FGF1: variants seen among roughly 807,000 people sequenced by gnomAD.
The protein encoded by FGF1 is beta-endothelial cell growth factor.
A neutral mutation model predicts 13.4 loss-of-function variants in FGF1; 9 were observed. That is an observed-to-expected ratio of 0.67 (90% confidence interval 0.40 to 1.17). The LOEUF (loss-of-function observed/expected upper bound fraction) is 1.17. FGF1 is among the 50% of genes most tolerant of loss of function. The probability of loss-of-function intolerance (pLI) is 0.01; values close to 1 mark genes in which losing one functional copy is unlikely to be tolerated. For synonymous variants in FGF1, 93 were observed against 79.0 expected, an observed-to-expected ratio of 1.18 and a Z score of -0.94; for missense variants, 156 against 192.7, an observed-to-expected ratio of 0.81 and a Z score of 1.13.
intron 2 of FGF1, among the ~76,000 whole-genome samples, chr5:142,607,445 C>T (rs113975668): frequency 3.0e-3 from 459 of 152,286 alleles, no homozygotes; most frequent in African/African-American, 1.0e-2. Context: ...AAACAAGATA[C>T]GTCCATGGTC....
At chr5:142,613,850 A>G in intron 2 of FGF1, 109 bp downstream of exon 2, 4 of 1,184,738 alleles carry the variant, frequency 3.4e-6, no homozygotes, top group East Asian at 2.5e-5. Context: ...GTCATGCCTG[A>G]ATAGAACCTT....
intron 1 of FGF1, among the ~76,000 whole-genome samples, chr5:142,630,471 G>C (rs1597220078): frequency 6.6e-6 from 1 of 152,154 alleles, no homozygotes; most frequent in East Asian, 1.9e-4. Flanking sequence ...GAGCCAGAGA[G>C]ATCTTTTAAA....
rs1319795358 is a variant in FGF1 at position 142,593,193 on chromosome 5, T to C, written c.*2097A>G. On this transcript the variant is annotated 3_prime_UTR_variant, in exon 4 of 4. Transcript: ENST00000337706. ...TGAGTTTGATTCATACAATAAAAAGTATGGACCATTATAATTATCTTAGAT... is the reference window on the plus strand; with the variant it reads ...TGAGTTTGATTCATACAATAAAAAGCATGGACCATTATAATTATCTTAGAT... The C allele has an allele frequency of 6.6e-6, 1 of 152,218 alleles. No homozygotes were observed. The highest frequency in any genetic ancestry group is 1.5e-5 in the Non-Finnish European group (1 of 68,036). The allele number at this position is 152,218 out of a possible 1,614,324, so 9.4% of individuals were successfully genotyped here. A position where few individuals can be genotyped will look rare whatever the true frequency, so the allele number is the denominator to read the frequency against.
chr5:142,687,426 G>A (rs11955552), upstream of FGF1, among the ~76,000 whole-genome samples: 7,032 of 152,264 alleles, frequency 0.046, 237 homozygotes, highest in South Asian at 0.098. Context: ...TCCAATCACG[G>A]ATAAGCAGCA....
At chr5:142,617,181 A>G (rs1018552922) in intron 1 of FGF1, among the ~76,000 whole-genome samples, 2 of 152,172 alleles carry the variant, frequency 1.3e-5, no homozygotes, top group Non-Finnish European at 2.9e-5. Flanking sequence ...TCTGGCCAAC[A>G]TGGCAAAAAC....
At chr5:142,636,692 A>T (rs1176684222) in intron 1 of FGF1, among the ~76,000 whole-genome samples, 2 of 150,632 alleles carry the variant, frequency 1.3e-5, no homozygotes, top group East Asian at 3.9e-4. Flanking sequence ...ACTTCGGAAG[A>T]CTTCTTAGAG....
At chr5:142,661,873 G>T (rs1456685183) in intron 1 of FGF1, among the ~76,000 whole-genome samples, 1 of 152,022 alleles carries the variant, frequency 6.6e-6, no homozygotes, top group East Asian at 1.9e-4. Flanking sequence ...CATGGTGGCG[G>T]TTGCCTGTAG....
intron 1 of FGF1, among the ~76,000 whole-genome samples, chr5:142,677,350 C>T (rs992474259): frequency 2.0e-5 from 3 of 152,144 alleles, no homozygotes; most frequent in African/African-American, 7.2e-5. Context: ...ATGCTGGATC[C>T]ATGTCTCCCT....
At chr5:142,639,394 A>G (rs1764793796) in intron 1 of FGF1, among the ~76,000 whole-genome samples, 1 of 152,090 alleles carries the variant, frequency 6.6e-6, no homozygotes, top group Non-Finnish European at 1.5e-5. Flanking sequence ...ATCCATAAAA[A>G]GAGGAAAATC....
At chr5:142,628,693 A>G (rs1055244105) in intron 1 of FGF1, among the ~76,000 whole-genome samples, 4 of 152,150 alleles carry the variant, frequency 2.6e-5, no homozygotes, top group African/African-American at 9.7e-5. Context: ...TTTCAAAGCC[A>G]TTTATATCCT....
intron 1 of FGF1, among the ~76,000 whole-genome samples, chr5:142,624,971 G>T (rs931939546): frequency 3.9e-5 from 6 of 152,202 alleles, no homozygotes; most frequent in African/African-American, 1.4e-4. Context: ...TTCTAGGGTA[G>T]TGTCCCAGAC....
At position 142,595,298 on chromosome 5, in the gene FGF1, A is replaced by G; in HGVS notation, c.460T>C (p.Ser154Pro). ...AILFLPLPVS[S>P]D ...ACCCAGAACAGATCTCTTTAATCAG[A>G]AGAGACTGGCAGGGGGAGAAACAAG... The change falls in exon 4 of 4, where the codon TCT (serine) becomes CCT (proline). Residue 154 changes from serine (S) to proline (P), a missense_variant. Coordinates refer to ENST00000337706, the MANE Select transcript of FGF1 (RefSeq NM_000800.5). 6.2e-7 allele frequency: 1 copy of G among 1,613,740 alleles called. No individual in the cohort carries two copies. The highest frequency in any genetic ancestry group is 8.5e-7 in the Non-Finnish European group (1 of 1,179,734).
In FGF1 at chr5:142,595,269, C is replaced by T. The variant is rs1755010361; in HGVS notation, c.*21G>A. 1 of 1,606,494 alleles carries T rather than the reference C, an allele frequency of 6.2e-7. No homozygotes were observed. Among genetic ancestry groups the T allele is most frequent in the African/African-American group, 1.3e-5 (1 of 74,718 alleles). On this transcript the variant is annotated 3_prime_UTR_variant, in exon 4 of 4. Coordinates refer to ENST00000337706, the MANE Select transcript of FGF1 (RefSeq NM_000800.5). The stretch of plus-strand genomic sequence containing the variant: ...CCCCTCGAAACTTCTCTGGAGTGGT[C>T]AACACCCAGAACAGATCTCTTTAAT...
intron 1 of FGF1, among the ~76,000 whole-genome samples, chr5:142,631,556 A>T (rs1763371479): frequency 6.6e-6 from 1 of 152,166 alleles, no homozygotes; most frequent in East Asian, 1.9e-4. Context: ...CACTTGAGCA[A>T]ATTGCTTATT....
intron 2 of FGF1, among the ~76,000 whole-genome samples, chr5:142,695,411 G>C (rs1354464012): frequency 2.0e-5 from 3 of 151,992 alleles, no homozygotes; most frequent in Non-Finnish European, 4.4e-5. Context: ...GCAAAATCCT[G>C]TCTCTACTAA....
At chr5:142,675,316 T>C (rs1039269823) in intron 1 of FGF1, among the ~76,000 whole-genome samples, 8 of 152,044 alleles carry the variant, frequency 5.3e-5, no homozygotes, top group Non-Finnish European at 1.2e-4. Flanking sequence ...TATTCTGGCC[T>C]CCCTTGGTGA....
chr5:142,663,580 TGATGACCCGA>T (rs1769710982), intron 1 of FGF1, among the ~76,000 whole-genome samples: 1 of 152,160 alleles, frequency 6.6e-6, no homozygotes, highest in African/African-American at 2.4e-5. Context: ...AGATACTCCG[TGATGACCCGA>T]GTTGAGAAAC....
At chr5:142,670,086 A>C (rs1165468243) in intron 1 of FGF1, among the ~76,000 whole-genome samples, 1 of 152,166 alleles carries the variant, frequency 6.6e-6, no homozygotes, top group Non-Finnish European at 1.5e-5. Flanking sequence ...TGTTCCCGTC[A>C]CTTCTGCACA....
intron 1 of FGF1, among the ~76,000 whole-genome samples, chr5:142,658,739 T>A (rs1768619119): frequency 6.6e-6 from 1 of 152,174 alleles, no homozygotes; most frequent in South Asian, 2.1e-4. Context: ...CTAGCAAGAC[T>A]CCTTGAAGAG....
Sources: allele counts gnomAD v4.1 joint callset (sites outside exome capture counted in the v4.1 genomes callset), GRCh38; gene constraint gnomAD v4.1.1; transcripts MANE v1.5; gene names NCBI Gene and HGNC (gene_info 2026-07-23, HGNC 2026-07-21).